Variants in DAB1 observed in about 807,000 individuals in gnomAD.
DAB1 encodes DAB adaptor protein 1.
Under a neutral mutation model 64.6 loss-of-function variants are expected in DAB1, and 15 were observed. That is an observed-to-expected ratio of 0.23 (90% confidence interval 0.16 to 0.36). DAB1 has a LOEUF of 0.36. Among genes scored for constraint, DAB1 ranks in the 10% least tolerant of loss-of-function variants. DAB1 has a pLI of 1.00. For synonymous variants in DAB1, 235 were observed against 251.9 expected (o/e 0.93, Z 0.64); for missense variants, 596 against 706.7 (o/e 0.84, Z 1.78).
intron 7 of DAB1, among the ~76,000 whole-genome samples, chr1:57,593,798 C>T (rs77823174): frequency 0.016 from 2,508 of 152,230 alleles, 83 homozygotes; most frequent in African/African-American, 0.054. Context: ...TGCTAAATAG[C>T]GACACATATG....
chr1:57,216,246 A>T (rs1666420831), intron 2 of DAB1, among the ~76,000 whole-genome samples: 1 of 151,906 alleles, frequency 6.6e-6, no homozygotes, highest in Admixed American at 6.6e-5. Flanking sequence ...CGGCCTCCTT[A>T]CCTATAAGGT....
chr1:57,752,299 A>G (rs1318692798), intron 6 of DAB1, among the ~76,000 whole-genome samples: 1 of 152,200 alleles, frequency 6.6e-6, no homozygotes, highest in Non-Finnish European at 1.5e-5. Context: ...CTATTTATTT[A>G]CATTTTTCAA....
chr1:57,428,967 T>C (rs189396087), upstream of DAB1, among the ~76,000 whole-genome samples: 40 of 151,226 alleles, frequency 2.6e-4, no homozygotes, highest in Admixed American at 2.6e-3. Flanking sequence ...TTCTGGAGTG[T>C]AGTGGTACCA....
chr1:57,612,600 G>A (rs915385257), intron 7 of DAB1, among the ~76,000 whole-genome samples: 6 of 152,092 alleles, frequency 3.9e-5, no homozygotes, highest in Non-Finnish European at 8.8e-5. Context: ...CTAGAAGCTG[G>A]AAAAGGTAAC....
At chr1:58,335,283 A>G (rs1663086298) in intron 4 of DAB1, among the ~76,000 whole-genome samples, 1 of 152,250 alleles carries the variant, frequency 6.6e-6, no homozygotes, top group Non-Finnish European at 1.5e-5. Flanking sequence ...GTGTGGCAAG[A>G]GAACAGTAAG....
intron 1 of DAB1, among the ~76,000 whole-genome samples, chr1:57,848,512 A>T (rs1569842397): frequency 8.5e-5 from 13 of 152,242 alleles, no homozygotes; most frequent in Admixed American, 8.5e-4. Flanking sequence ...CCACTTGGAC[A>T]TCTTGATGGA....
At chr1:57,246,843 T>G (rs1668920800) in intron 2 of DAB1, among the ~76,000 whole-genome samples, 1 of 152,226 alleles carries the variant, frequency 6.6e-6, no homozygotes, top group South Asian at 2.1e-4. Context: ...TTTGAACCTT[T>G]AAGATTTAAT....
At chr1:57,903,888 T>C (rs1461981479) in intron 5 of DAB1, among the ~76,000 whole-genome samples, 1 of 152,206 alleles carries the variant, frequency 6.6e-6, no homozygotes, top group East Asian at 1.9e-4. Context: ...AGGCCTCTGA[T>C]AAATTTAACC....
chr1:57,366,797 G>A (rs750633462), intron 1 of DAB1, among the ~76,000 whole-genome samples: 4 of 152,028 alleles, frequency 2.6e-5, no homozygotes, highest in Admixed American at 6.6e-5. Context: ...GCCAGCAAAG[G>A]ACAGCTGGAA....
chr1:57,790,866 C>T (rs1650563617), intron 6 of DAB1, among the ~76,000 whole-genome samples: 1 of 152,078 alleles, frequency 6.6e-6, no homozygotes, highest in Non-Finnish European at 1.5e-5. Flanking sequence ...GCACCTGGTG[C>T]ATTACTACAC....
chr1:57,131,048 A>C (rs867828481), intron 4 of DAB1, among the ~76,000 whole-genome samples: 12 of 152,302 alleles, frequency 7.9e-5, no homozygotes, highest in African/African-American at 2.2e-4. Flanking sequence ...TTAACAATTA[A>C]ATTTCTGCAT....
At chr1:57,465,318 T>G (rs899337087) in intron 7 of DAB1, among the ~76,000 whole-genome samples, 3 of 152,232 alleles carry the variant, frequency 2.0e-5, no homozygotes, top group Non-Finnish European at 4.4e-5. Context: ...TATTATATTC[T>G]TAATGTAGTT....
At chr1:57,563,731 A>G (rs1397150809) in intron 7 of DAB1, among the ~76,000 whole-genome samples, 1 of 152,168 alleles carries the variant, frequency 6.6e-6, no homozygotes, top group Non-Finnish European at 1.5e-5. Context: ...AGGTGGCAGC[A>G]AGGCTGGGGG....
At chr1:57,032,001 C>T (rs1646980002) in intron 9 of DAB1, among the ~76,000 whole-genome samples, 1 of 152,166 alleles carries the variant, frequency 6.6e-6, no homozygotes, top group Non-Finnish European at 1.5e-5. Flanking sequence ...CCCAGTATCT[C>T]CATCAGGCCT....
At chr1:58,365,150 GA>G (rs1348498808) in intron 3 of DAB1, among the ~76,000 whole-genome samples, 1 of 152,184 alleles carries the variant, frequency 6.6e-6, no homozygotes, top group African/African-American at 2.4e-5. Context: ...AGTGGCATGA[GA>G]AGACTAAAAC....
At chr1:57,350,964 G>T (rs1678543382) in intron 1 of DAB1, among the ~76,000 whole-genome samples, 1 of 152,082 alleles carries the variant, frequency 6.6e-6, no homozygotes, top group South Asian at 2.1e-4. Flanking sequence ...ACCTCAAAGG[G>T]TTCGAATGAA....
intron 2 of DAB1, among the ~76,000 whole-genome samples, chr1:57,182,020 G>A (rs1199433572): frequency 6.6e-6 from 1 of 152,094 alleles, no homozygotes; most frequent in Non-Finnish European, 1.5e-5. Context: ...CGAGTAGCTG[G>A]GACTACAGGT....
chr1:57,081,853 A>G (rs1162876134), intron 4 of DAB1, among the ~76,000 whole-genome samples: 1 of 152,254 alleles, frequency 6.6e-6, no homozygotes, highest in Non-Finnish European at 1.5e-5. Context: ...AAGATAAAGC[A>G]CATACATAAA....
chr1:57,928,383 C>T (rs923656049), intron 5 of DAB1, among the ~76,000 whole-genome samples: 4 of 151,904 alleles, frequency 2.6e-5, no homozygotes, highest in African/African-American at 9.7e-5. Flanking sequence ...CATGTATAGC[C>T]ACCCCCATTA....
Sources: gnomAD v4.1 joint callset for allele counts (sites outside exome capture counted in the v4.1 genomes callset) on GRCh38, gnomAD v4.1.1 for gene constraint, MANE v1.5 for transcripts, NCBI Gene and HGNC (gene_info 2026-07-23, HGNC 2026-07-21) for gene names.